Variants in GOT1 observed in about 807,000 individuals in gnomAD.
The protein encoded by GOT1 is glutamic-oxaloacetic transaminase 1.
A neutral mutation model predicts 48.2 loss-of-function variants in GOT1; 25 were observed. That is an observed-to-expected ratio of 0.52 (90% CI 0.38 to 0.72). The LOEUF is 0.72. Ranked by LOEUF, GOT1 falls within the 30% of genes least tolerant of loss-of-function variation. The probability of loss-of-function intolerance (pLI) is 0.00; values close to 1 mark genes in which losing one functional copy is unlikely to be tolerated. For missense variants in GOT1, 380 were observed against 520.1 expected, an observed-to-expected ratio of 0.73 and a Z score of 2.62; for synonymous variants, 188 against 193.8, an observed-to-expected ratio of 0.97 and a Z score of 0.25.
At chr10:99,429,010 C>G (rs1176954220) in intron 1 of GOT1, among the ~76,000 whole-genome samples, 1 of 151,944 alleles carries the variant, frequency 6.6e-6, no homozygotes, top group East Asian at 1.9e-4. Flanking sequence ...CATCACTTTT[C>G]AATGGATTTT....
intron 1 of GOT1, among the ~76,000 whole-genome samples, chr10:99,429,881 C>T (rs1008072674): frequency 5.3e-5 from 8 of 152,150 alleles, no homozygotes; most frequent in Non-Finnish European, 1.0e-4. Context: ...CCAGACCCCC[C>T]GGGGGCAGCA....
chr10:99,402,724 T>C lies in GOT1; in HGVS notation c.960-2A>G. 1 of 1,612,742 alleles carries C rather than the reference T, an allele frequency of 6.2e-7. No homozygotes were observed. The highest frequency in any genetic ancestry group is 8.5e-7 in the Non-Finnish European group (1 of 1,178,704). On this transcript the variant is annotated splice_acceptor_variant, in intron 7 of 8. Transcript: ENST00000370508. LOFTEE classifies it high-confidence loss of function. ...GCCATTGTCTTCACATTACCTGTCC[T>C]GAAGCATGGACAGTGACGTAAATAC...
chr10:99,429,695 A>G (rs1216886535), intron 1 of GOT1, among the ~76,000 whole-genome samples: 1 of 152,216 alleles, frequency 6.6e-6, no homozygotes, highest in Non-Finnish European at 1.5e-5. Flanking sequence ...TTCTTGGCAG[A>G]TGGGGAAACT....
intron 2 of GOT1, among the ~76,000 whole-genome samples, chr10:99,419,890 C>A (rs1328738365): frequency 6.6e-6 from 1 of 152,202 alleles, no homozygotes; most frequent in African/African-American, 2.4e-5. Context: ...TGTTCCACTT[C>A]CTGGAACACA....
At chr10:99,402,883 A>G (rs941397067) in intron 7 of GOT1, among the ~76,000 whole-genome samples, 161 bp from the exon 8 acceptor site, 4 of 152,140 alleles carry the variant, frequency 2.6e-5, no homozygotes, top group African/African-American at 9.7e-5. Flanking sequence ...AACATACCAG[A>G]GAGAGAGACT....
chr10:99,420,777 C>A lies in GOT1; in HGVS notation c.147G>T (p.Trp49Cys), dbSNP rs1037428593. Reference protein sequence around the residue: ...GAYRTDDCHPWVLPVVKKVEQ... With the variant: ...GAYRTDDCHPCVLPVVKKVEQ... ...CCACTTTCTTCACTACTGGCAAAACCCAGGGATGGCAGTCATCCGTGCGAT... is the reference window on the plus strand; with the variant it reads ...CCACTTTCTTCACTACTGGCAAAACACAGGGATGGCAGTCATCCGTGCGAT... Residue 49 changes from tryptophan (W) to cysteine (C), a missense_variant, in exon 2 of 9, where the codon TGG becomes TGT. Physicochemically the swap from Trp to Cys is radical, Grantham distance 215 (BLOSUM62 -2). Coordinates refer to ENST00000370508, the MANE Select transcript of GOT1 (RefSeq NM_002079.3). 1.9e-6 allele frequency: 3 copies of A among 1,613,956 alleles called. No homozygotes were observed. The highest frequency in any genetic ancestry group is 1.7e-5 in the Admixed American group (1 of 59,984).
intron 1 of GOT1, among the ~76,000 whole-genome samples, chr10:99,422,486 A>C (rs1391248664): frequency 2.6e-5 from 4 of 152,236 alleles, no homozygotes; most frequent in African/African-American, 9.6e-5. Flanking sequence ...CTTTTATAAA[A>C]TATGGATCAA....
intron 5 of GOT1, among the ~76,000 whole-genome samples, chr10:99,404,381 T>C (rs1477059728): frequency 6.6e-6 from 1 of 152,170 alleles, no homozygotes; most frequent in Non-Finnish European, 1.5e-5. Flanking sequence ...CCCGGAACTG[T>C]CCAAATCTTT....
chr10:99,422,755 C>T (rs1159970928), intron 1 of GOT1, among the ~76,000 whole-genome samples: 5 of 152,282 alleles, frequency 3.3e-5, no homozygotes, highest in Admixed American at 2.0e-4. Flanking sequence ...AGGTAGCATA[C>T]GGCATACTAT....
At chr10:99,404,142 C>T (rs1159508111) in intron 5 of GOT1, among the ~76,000 whole-genome samples, 1 of 152,170 alleles carries the variant, frequency 6.6e-6, no homozygotes, top group Non-Finnish European at 1.5e-5. Context: ...ACTTTTGATG[C>T]AAGGAGACAA....
At chr10:99,404,574 C>T (rs1206780293) in intron 5 of GOT1, among the ~76,000 whole-genome samples, 1 of 152,130 alleles carries the variant, frequency 6.6e-6, no homozygotes, top group East Asian at 1.9e-4. Flanking sequence ...CCTACTTCAT[C>T]CAGGTCACCA....
At position 99,397,332 on chromosome 10, in the gene GOT1, G is replaced by T; in HGVS notation, c.*215C>A. 1 of 578,170 alleles carries T rather than the reference G, an allele frequency of 1.7e-6. No individual in the cohort carries two copies. Among genetic ancestry groups the T allele is most frequent in the Non-Finnish European group, 3.1e-6 (1 of 320,886 alleles). 35.8% of individuals were successfully genotyped at this position (578,170 alleles called of 1,614,324 possible). On this transcript the variant is annotated 3_prime_UTR_variant, in exon 9 of 9. Transcript: ENST00000370508. The surrounding 1 kb of genome is among the most constrained non-coding windows in gnomAD (Gnocchi z 5.4). Reference sequence around the variant, plus strand: ...TATTCTTAAATAAAAATCTTAATTTGCTTTGACCTCCAAAGGCTCTAATCC... The same window carrying T: ...TATTCTTAAATAAAAATCTTAATTTTCTTTGACCTCCAAAGGCTCTAATCC...
intron 2 of GOT1, among the ~76,000 whole-genome samples, chr10:99,408,748 G>A (rs1263693110): frequency 6.6e-6 from 1 of 152,124 alleles, no homozygotes; most frequent in African/African-American, 2.4e-5. Context: ...TACAAGGAGG[G>A]ACACACGCCA....
In GOT1 at chr10:99,430,252, C is replaced by T. The variant is rs1367940904; in HGVS notation, c.118+196G>A. On this transcript the variant is annotated intron_variant, in intron 1 of 8. Coordinates refer to ENST00000370508, the MANE Select transcript of GOT1 (RefSeq NM_002079.3). ...TTGTGCGGCCTCGGACACATCGCCCCTTTCCAGGGACTCCACACCTGCATC... is the reference window on the plus strand; with the variant it reads ...TTGTGCGGCCTCGGACACATCGCCCTTTTCCAGGGACTCCACACCTGCATC... 7 of 1,507,866 alleles carry T rather than the reference C, an allele frequency of 4.6e-6. No individual in the cohort carries two copies. In the African/African-American group the frequency reaches 6.9e-5, roughly 15 times the overall value. The allele number at this position is 1,507,866 out of a possible 1,614,324, so 93.4% of individuals were successfully genotyped here.
intron 1 of GOT1, among the ~76,000 whole-genome samples, chr10:99,423,949 C>T (rs150531959): frequency 6.6e-6 from 1 of 152,080 alleles, no homozygotes; most frequent in African/African-American, 2.4e-5. Flanking sequence ...AGCCACCATG[C>T]CTGGCCCAAC....
At chr10:99,414,344 G>C (rs1315937010) in intron 2 of GOT1, among the ~76,000 whole-genome samples, 1 of 151,978 alleles carries the variant, frequency 6.6e-6, no homozygotes, top group Admixed American at 6.6e-5. Context: ...AGATAAAGAA[G>C]GCCATTACAT....
chr10:99,418,258 C>T (rs1016490892), intron 2 of GOT1, among the ~76,000 whole-genome samples: 1 of 151,692 alleles, frequency 6.6e-6, no homozygotes, highest in Non-Finnish European at 1.5e-5. Flanking sequence ...GGCTATGTTC[C>T]CAGGGTCAAG....
At position 99,403,509 on chromosome 10, in the gene GOT1, CA is replaced by C; in HGVS notation, c.918del (p.Ile306MetfsTer19). On this transcript the variant is annotated frameshift_variant, in exon 7 of 9. Coordinates refer to ENST00000370508, the MANE Select transcript of GOT1 (RefSeq NM_002079.3). LOFTEE classifies it high-confidence loss of function. ...WSNPPAQGAR[I>X]VASTLSNPEL... ...TCAGGGTTAGAGAGGGTGCTGGCCA[CA>C]ATTCGTGCTCCCTGGGCGGGGGGAT... The C allele has an allele frequency of 6.2e-7, 1 of 1,614,112 alleles. No individual in the cohort carries two copies. The highest frequency in any genetic ancestry group is 1.1e-5 in the South Asian group (1 of 91,076).
chr10:99,412,315 G>C (rs943295602), intron 2 of GOT1, among the ~76,000 whole-genome samples: 1 of 151,828 alleles, frequency 6.6e-6, no homozygotes, highest in Admixed American at 6.6e-5. Flanking sequence ...TTACCCTACA[G>C]GCAATGGGGG....
Sources: allele counts gnomAD v4.1 joint callset (sites outside exome capture counted in the v4.1 genomes callset), GRCh38; gene constraint gnomAD v4.1.1; non-coding constraint Gnocchi (gnomAD v3.1); transcripts MANE v1.5; gene names NCBI Gene and HGNC (gene_info 2026-07-23, HGNC 2026-07-21).